The following RNF175 variants were observed in gnomAD, a reference collection of about 807,000 sequenced individuals.
The protein encoded by RNF175 is ring finger protein 175.
Under a neutral mutation model 50.0 loss-of-function variants are expected in RNF175, and 38 were observed. The observed-to-expected ratio is 0.76, with a 90% CI of 0.59 to 1.00. The LOEUF is 1.00. Among genes scored for constraint, RNF175 ranks in the 50% least tolerant of loss-of-function variants. The pLI, the probability that RNF175 is intolerant of heterozygous loss-of-function variation, is 0.00. For missense variants in RNF175, 388 were observed against 409.6 expected (o/e 0.95, Z 0.46); for synonymous variants, 155 against 146.1 (o/e 1.06, Z -0.44).
chr4:153,738,913 G>A (rs1201383402), intron 3 of RNF175, among the ~76,000 whole-genome samples: 2 of 152,042 alleles, frequency 1.3e-5, no homozygotes, highest in African/African-American at 4.8e-5. Flanking sequence ...GGTTTCTCCA[G>A]AGTTGCAAAA....
At chr4:153,759,015 T>C (rs372461858) in intron 1 of RNF175, among the ~76,000 whole-genome samples, 16 of 152,174 alleles carry the variant, frequency 1.1e-4, no homozygotes, top group African/African-American at 3.9e-4. Flanking sequence ...ATTTTTGTTG[T>C]TGTTTAAGAG....
chr4:153,738,986 G>A (rs1028193989), intron 3 of RNF175, among the ~76,000 whole-genome samples: 1 of 152,082 alleles, frequency 6.6e-6, no homozygotes, highest in African/African-American at 2.4e-5. Flanking sequence ...GGTATTATAG[G>A]TACCTTATAA....
At chr4:153,753,422 C>A (rs1432620394) in intron 1 of RNF175, among the ~76,000 whole-genome samples, 2 of 152,168 alleles carry the variant, frequency 1.3e-5, no homozygotes, top group Non-Finnish European at 2.9e-5. Flanking sequence ...GTCTAGAGAG[C>A]CCTAGCACCA....
At position 153,759,909 on chromosome 4, in the gene RNF175, G is replaced by C; in HGVS notation, c.-47C>G. ...CCAGGGCACAGCGCCTGCCGGGGAG[G>C]GTCCCGCAGAGTCCGCAGAAGGAGG... On this transcript the variant is annotated 5_prime_UTR_variant, in exon 1 of 9. Coordinates refer to ENST00000347063, the MANE Select transcript of RNF175 (RefSeq NM_173662.4). 8.3e-7 allele frequency: 1 copy of C among 1,200,424 alleles called. No individual in the cohort carries two copies. The highest frequency in any genetic ancestry group is 1.1e-6 in the Non-Finnish European group (1 of 933,484). The allele number at this position is 1,200,424 out of a possible 1,614,324, so 74.4% of individuals were successfully genotyped here. A position where few individuals can be genotyped will look rare whatever the true frequency, so the allele number is the denominator to read the frequency against.
At chr4:153,720,518 T>G in intron 5 of RNF175, 1 of 459,818 alleles carries the variant, frequency 2.2e-6, no homozygotes, top group South Asian at 2.3e-5. Context: ...GACAAAGGAA[T>G]TCTTGAGATA....
intron 3 of RNF175, among the ~76,000 whole-genome samples, chr4:153,732,895 C>T (rs1441381685): frequency 6.6e-6 from 1 of 152,224 alleles, no homozygotes; most frequent in Non-Finnish European, 1.5e-5. Flanking sequence ...TTGGACTATG[C>T]TGTGCTAAAA....
chr4:153,715,429 G>T, intron 7 of RNF175, 100 bp downstream of exon 7: 1 of 1,198,880 alleles, frequency 8.3e-7, no homozygotes, highest in South Asian at 1.3e-5. Flanking sequence ...GGGCATGGAA[G>T]GTAAGCAAGA....
At chr4:153,735,384 T>C (rs2606335) in intron 3 of RNF175, among the ~76,000 whole-genome samples, 26,869 of 152,194 alleles carry the variant, frequency 0.18, 3,088 homozygotes, top group Non-Finnish European at 0.25. Flanking sequence ...TTCCATTGAC[T>C]TATGTGTCTA....
intron 3 of RNF175, among the ~76,000 whole-genome samples, chr4:153,735,990 G>C (rs1336523257): frequency 1.3e-5 from 2 of 152,128 alleles, no homozygotes; most frequent in Non-Finnish European, 2.9e-5. Context: ...CACTAGCAAG[G>C]ACTTCCTGCA....
At chr4:153,718,366 A>G (rs949449457) in intron 6 of RNF175, among the ~76,000 whole-genome samples, 2 of 151,712 alleles carry the variant, frequency 1.3e-5, no homozygotes, top group Non-Finnish European at 2.9e-5. Flanking sequence ...TCACAAGCAC[A>G]TGCACAAGTG....
At chr4:153,713,212 C>G (rs1737706427) in intron 7 of RNF175, 1 of 152,208 alleles carries the variant, frequency 6.6e-6, no homozygotes. Context: ...GAAAGTCTGA[C>G]CCTTTGTCCC....
intron 3 of RNF175, among the ~76,000 whole-genome samples, chr4:153,731,665 A>G (rs936109739): frequency 4.0e-5 from 6 of 148,764 alleles, no homozygotes; most frequent in South Asian, 2.1e-4. Context: ...AAGAGAAAGA[A>G]AGAGAGAGAG....
At chr4:153,749,899 A>G (rs1239853255) in intron 2 of RNF175, among the ~76,000 whole-genome samples, 1 of 152,206 alleles carries the variant, frequency 6.6e-6, no homozygotes, top group Non-Finnish European at 1.5e-5. Context: ...GAACTGTGAG[A>G]AAATAAATTT....
At chr4:153,740,516 A>G (rs1739596368) in intron 3 of RNF175, among the ~76,000 whole-genome samples, 1 of 152,194 alleles carries the variant, frequency 6.6e-6, no homozygotes, top group Admixed American at 6.5e-5. Flanking sequence ...TGTTAACTAC[A>G]GTCACCATGC....
At chr4:153,748,868 AAAAC>A (rs1355341408) in intron 2 of RNF175, 82 bp from the exon 3 acceptor site, 4 of 1,358,436 alleles carry the variant, frequency 2.9e-6, no homozygotes, top group Admixed American at 2.6e-5. Context: ...AAAAAACAAA[AAAAC>A]AAAAAACAGG....
At chr4:153,728,117 A>C in intron 4 of RNF175, 90 bp downstream of exon 4, 1 of 926,294 alleles carries the variant, frequency 1.1e-6, no homozygotes, top group African/African-American at 1.7e-5. Flanking sequence ...TAACCCCCCC[A>C]CTCCCCAACC....
intron 1 of RNF175, among the ~76,000 whole-genome samples, chr4:153,757,807 G>A (rs2127172676): frequency 6.6e-6 from 1 of 152,180 alleles, no homozygotes; most frequent in Non-Finnish European, 1.5e-5. Flanking sequence ...ACCAGTTGCA[G>A]GCTCAAAAGA....
chr4:153,740,754 T>C (rs1280618810), intron 3 of RNF175, among the ~76,000 whole-genome samples: 1 of 152,198 alleles, frequency 6.6e-6, no homozygotes, highest in African/African-American at 2.4e-5. Context: ...CTCTTCAGAC[T>C]GTGTTTTTTT....
chr4:153,730,200 T>A (rs1738951043), intron 3 of RNF175, among the ~76,000 whole-genome samples: 1 of 151,892 alleles, frequency 6.6e-6, no homozygotes, highest in African/African-American at 2.4e-5. Flanking sequence ...ATCCCAGCAG[T>A]TTGGGAGGCG....
Sources: gnomAD v4.1 joint callset for allele counts (sites outside exome capture counted in the v4.1 genomes callset) on GRCh38, gnomAD v4.1.1 for gene constraint, MANE v1.5 for transcripts, NCBI Gene and HGNC (gene_info 2026-07-23, HGNC 2026-07-21) for gene names.